The following PCSK5 variants were observed in gnomAD, a reference collection of about 807,000 sequenced individuals.
PCSK5 encodes the protein prohormone convertase 5.
In PCSK5, 129 loss-of-function variants were observed where a neutral mutation model predicts 233.2. The observed-to-expected ratio is 0.55, with a 90% CI of 0.48 to 0.64. PCSK5 has a LOEUF of 0.64. PCSK5 is among the 30% of genes least tolerant of loss of function. The pLI is 0.00. For missense variants in PCSK5, 2,076 were observed against 2,430.1 expected, an observed-to-expected ratio of 0.85 and a Z score of 3.06; for synonymous variants, 825 against 879.2, an observed-to-expected ratio of 0.94 and a Z score of 1.09.
chr9:76,138,345 A>G (rs1055909323), intron 10 of PCSK5, among the ~76,000 whole-genome samples: 1 of 152,096 alleles, frequency 6.6e-6, no homozygotes, highest in African/African-American at 2.4e-5. Flanking sequence ...GGCATCTGCT[A>G]TAGAGAATAT....
intron 5 of PCSK5, 31 bp from the exon 6 acceptor site, chr9:76,067,920 TCTTA>T (rs1564007045): frequency 7.8e-6 from 12 of 1,546,456 alleles, no homozygotes; most frequent in Admixed American, 3.3e-5. Flanking sequence ...GAATGGTGTG[TCTTA>T]CTTGAGAAAG....
At chr9:76,003,291 T>G (rs1361269738) in intron 3 of PCSK5, among the ~76,000 whole-genome samples, 1 of 152,208 alleles carries the variant, frequency 6.6e-6, no homozygotes, top group Non-Finnish European at 1.5e-5. Flanking sequence ...GAGTATCACT[T>G]GAACCTGGGA....
intron 2 of PCSK5, among the ~76,000 whole-genome samples, chr9:75,963,738 G>T (rs1226227604): frequency 6.6e-6 from 1 of 152,174 alleles, no homozygotes; most frequent in Non-Finnish European, 1.5e-5. Context: ...AATTAGCCGG[G>T]CATGGTGGCA....
rs138016340 is a variant in PCSK5, at chr9:75,899,248, G to A, written c.192+7875G>A. ...GGATCATTTTGAGAACAAAAGAATA[G>A]GCTCAGCATTAGTTTATACTTAAGG... is the stretch of plus-strand genomic sequence containing the variant. On this transcript the variant is annotated intron_variant, in intron 1 of 37. Transcript: ENST00000674117. 8.5e-5 allele frequency among the ~76,000 whole-genome samples: 13 copies of A among 152,128 alleles called. No homozygotes were observed. In the East Asian group the frequency reaches 2.3e-3, roughly 27 times the overall value.
At chr9:76,033,072 A>G (rs1214648222) in intron 5 of PCSK5, among the ~76,000 whole-genome samples, 1 of 152,214 alleles carries the variant, frequency 6.6e-6, no homozygotes, top group Non-Finnish European at 1.5e-5. Flanking sequence ...TTCTTGTCAC[A>G]CATCATTTCT....
At chr9:76,185,598 T>TC (rs1564090421) in intron 17 of PCSK5, among the ~76,000 whole-genome samples, 2 of 152,066 alleles carry the variant, frequency 1.3e-5, no homozygotes, top group Non-Finnish European at 2.9e-5. Flanking sequence ...CATTTCTTTT[T>TC]CCCCCCATGA....
chr9:76,351,257 AC>A lies in PCSK5; in HGVS notation c.5067+331del, dbSNP rs776042838. Among the ~76,000 whole-genome samples, 14 of 151,904 alleles carry A rather than the reference AC, an allele frequency of 9.2e-5. 1 individual carries two copies. The highest frequency in any genetic ancestry group is 1.3e-4 in the Non-Finnish European group (9 of 67,998). ...AGAATACTATGTCAGAATACAAACT[AC>A]CTTCTCTCTTACTTCTGTCTGGTCT... On this transcript the variant is annotated intron_variant, in intron 36 of 37. Coordinates refer to ENST00000674117, the MANE Select transcript of PCSK5 (RefSeq NM_001372043.1).
intron 24 of PCSK5, among the ~76,000 whole-genome samples, chr9:76,270,509 C>G (rs540677060): frequency 1.3e-5 from 2 of 152,322 alleles, no homozygotes; most frequent in South Asian, 4.1e-4. Flanking sequence ...AGCCTTGGCA[C>G]AGTATCCTGA....
At chr9:76,072,364 A>G (rs1830511051) in intron 7 of PCSK5, among the ~76,000 whole-genome samples, 1 of 152,202 alleles carries the variant, frequency 6.6e-6, no homozygotes, top group Non-Finnish European at 1.5e-5. Context: ...GCTACAACCA[A>G]GTAGCTTAAT....
At chr9:76,085,261 T>C (rs764367606) in intron 7 of PCSK5, among the ~76,000 whole-genome samples, 11 of 152,354 alleles carry the variant, frequency 7.2e-5, no homozygotes, top group South Asian at 2.1e-4. Context: ...AGGCAACTGA[T>C]TTGGCACACC....
chr9:76,189,924 C>A (rs1824284931), intron 20 of PCSK5, among the ~76,000 whole-genome samples, 178 bp downstream of exon 20: 1 of 152,106 alleles, frequency 6.6e-6, no homozygotes. Context: ...GTTTGAATTG[C>A]AAAAAGAAAT....
At chr9:76,209,473 C>T (rs763218503) in intron 20 of PCSK5, 1 of 509,152 alleles carries the variant, frequency 2.0e-6, no homozygotes, top group Non-Finnish European at 3.9e-6. Flanking sequence ...TTGCCTACTA[C>T]TGTATCTCAG....
Position 76,358,455 on chromosome 9 carries a change from A to G in PCSK5, c.5255-58A>G, listed in dbSNP as rs1340303812. ...TTTACCTCAGAAACTAATTTTCTCT[A>G]TTCTATTTCTTTCACTTTTTCCCTC... On this transcript the variant is annotated intron_variant, in intron 37 of 37. Coordinates refer to ENST00000674117, the MANE Select transcript of PCSK5 (RefSeq NM_001372043.1). 54 of 1,341,370 alleles carry G rather than the reference A, an allele frequency of 4.0e-5. No individual in the cohort carries two copies. The East Asian group carries it at 1.3e-3, about 31-fold the overall frequency. 83.1% of individuals were successfully genotyped at this position (1,341,370 alleles called of 1,614,324 possible).
chr9:75,924,621 A>G (rs1564085105), intron 1 of PCSK5, among the ~76,000 whole-genome samples: 1 of 152,142 alleles, frequency 6.6e-6, no homozygotes, highest in Non-Finnish European at 1.5e-5. Context: ...CTCCCAGAGA[A>G]AAGGAATGAG....
intron 20 of PCSK5, chr9:76,193,372 T>G (rs1824507985): frequency 6.2e-7 from 1 of 1,604,670 alleles, no homozygotes; most frequent in East Asian, 2.2e-5. Flanking sequence ...TTAGATTTCT[T>G]TGTTCCTGTA....
intron 5 of PCSK5, among the ~76,000 whole-genome samples, chr9:76,057,147 C>G (rs1241553192): frequency 6.6e-6 from 1 of 152,134 alleles, no homozygotes; most frequent in African/African-American, 2.4e-5. Context: ...TCTGTGGTCT[C>G]TGAGCAAAAA....
At chr9:76,257,362 T>A (rs900262429) in intron 24 of PCSK5, among the ~76,000 whole-genome samples, 25 of 152,172 alleles carry the variant, frequency 1.6e-4, no homozygotes, top group African/African-American at 6.0e-4. Flanking sequence ...TGTGTGTGGA[T>A]AAGACAGGAG....
intron 2 of PCSK5, among the ~76,000 whole-genome samples, chr9:75,976,385 A>C (rs747886117): frequency 6.6e-6 from 1 of 151,738 alleles, no homozygotes; most frequent in Non-Finnish European, 1.5e-5. Flanking sequence ...ACCCTCTAGA[A>C]AGCATCTTGG....
chr9:76,248,982 CA>C (rs2131341834), intron 24 of PCSK5, among the ~76,000 whole-genome samples: 1 of 152,194 alleles, frequency 6.6e-6, no homozygotes, highest in African/African-American at 2.4e-5. Flanking sequence ...AGGCTAGTCT[CA>C]AACTCCTGGC....
Sources: allele counts gnomAD v4.1 joint callset (sites outside exome capture counted in the v4.1 genomes callset), GRCh38; gene constraint gnomAD v4.1.1; transcripts MANE v1.5; gene names NCBI Gene and HGNC (gene_info 2026-07-23, HGNC 2026-07-21).